TES: variants seen among roughly 807,000 people sequenced by gnomAD.
TES encodes testin.
TES carries 41 observed loss-of-function variants against 48.2 expected under a neutral mutation model. That is an observed-to-expected ratio of 0.85 (90% CI 0.66 to 1.10). The LOEUF (loss-of-function observed/expected upper bound fraction) is 1.10. Among genes scored for constraint, TES ranks in the 50% least tolerant of loss-of-function variants. The pLI, the probability that TES is intolerant of heterozygous loss-of-function variation, is 0.00. For missense variants in TES, 463 were observed against 515.1 expected, an observed-to-expected ratio of 0.90 and a Z score of 0.98; for synonymous variants, 162 against 174.9, an observed-to-expected ratio of 0.93 and a Z score of 0.58.
intron 6 of TES, among the ~76,000 whole-genome samples, chr7:116,256,529 A>G (rs1286739064): frequency 6.6e-6 from 1 of 152,244 alleles, no homozygotes; most frequent in Non-Finnish European, 1.5e-5. Context: ...GTTTTCTGCT[A>G]TAACATAGGT....
chr7:116,243,399 T>G (rs57321537), intron 2 of TES, among the ~76,000 whole-genome samples: 50,733 of 152,008 alleles, frequency 0.33, 8,913 homozygotes, highest in East Asian at 0.57. Flanking sequence ...TTTTCCAGCT[T>G]CTTTTCCTCT....
chr7:116,228,231 A>G (rs1799650121), intron 1 of TES, among the ~76,000 whole-genome samples: 1 of 152,156 alleles, frequency 6.6e-6, no homozygotes. Context: ...CCTGCAGTTA[A>G]AGATACTTAA....
Position 116,258,513 on chromosome 7 carries a change from A to G in TES, c.*1031A>G, listed in dbSNP as rs1800139543. The G allele has an allele frequency of 6.6e-6, 1 of 152,602 alleles. No individual in the cohort carries two copies. The highest frequency in any genetic ancestry group is 2.1e-4 in the South Asian group (1 of 4,830). 9.5% of individuals were successfully genotyped at this position (152,602 alleles called of 1,614,324 possible). On this transcript the variant is annotated 3_prime_UTR_variant, in exon 7 of 7. Coordinates refer to ENST00000358204, the MANE Select transcript of TES (RefSeq NM_015641.4). ...GAACATGTATAGTTTTTGTACCCAG[A>G]GACTATGATTTATATTGATTGCACT...
chr7:116,217,888 C>T, intron 1 of TES: 1 of 514,124 alleles, frequency 1.9e-6, no homozygotes, highest in South Asian at 1.4e-5. Context: ...ACCTAACATT[C>T]TAGTTAGATA....
In TES at chr7:116,234,602, C is replaced by T. The variant is rs755105850; in HGVS notation, c.96C>T (p.Phe32=). The T allele has an allele frequency of 5.8e-5, 94 of 1,613,624 alleles. No homozygotes were observed. Among genetic ancestry groups the T allele is most frequent in the Non-Finnish European group, 7.0e-5 (82 of 1,179,786 alleles). Residue 32 remains phenylalanine (F), a synonymous_variant, in exon 2 of 7, where the codon TTC becomes TTT. Coordinates refer to ENST00000358204, the MANE Select transcript of TES (RefSeq NM_015641.4). ...AATGCAAAGAAAAATGTGAAGGATT[C>T]GAACTGCACTTCTGGAGGTATTGTT... ...CLKCKEKCEG[F]ELHFWRKICR... is the part of the protein sequence containing the mutation.
chr7:116,246,225 A>C (rs1481435153), intron 2 of TES, among the ~76,000 whole-genome samples: 1 of 152,214 alleles, frequency 6.6e-6, no homozygotes, highest in African/African-American at 2.4e-5. Flanking sequence ...AAGCCATAGC[A>C]TATTTTACCT....
In TES at chr7:116,213,565, C is replaced by T. The variant is rs117622745; in HGVS notation, c.27+2831C>T. Among the ~76,000 whole-genome samples the T allele has an allele frequency of 9.8e-3, 1,491 of 152,252 alleles. 21 individuals are homozygous for T. The highest frequency in any genetic ancestry group is 0.034 in the African/African-American group (1,395 of 41,538). On this transcript the variant is annotated intron_variant, in intron 1 of 6. Transcript: ENST00000358204. ...ATTCTTGGTTTGTAAAAGGAAAGCT[C>T]GTCCACATCAGTTGTACAAATTGGG...
intron 2 of TES, among the ~76,000 whole-genome samples, chr7:116,241,334 A>G (rs1799845649): frequency 6.6e-6 from 1 of 152,254 alleles, no homozygotes; most frequent in African/African-American, 2.4e-5. Flanking sequence ...AAGTGGTAAT[A>G]GCACAGATTT....
chr7:116,252,413 G>A lies in TES; in HGVS notation c.1014G>A (p.Glu338=), dbSNP rs758104412. ...ACTGTGATAGCATTCTAGCTGGGGA[G>A]ATATACGTGATGGTCAATGACAAGC... ...CFDCDSILAG[E]IYVMVNDKPV... Residue 338 remains glutamate (E), a synonymous_variant, in exon 6 of 7, where the codon GAG becomes GAA. Coordinates refer to ENST00000358204, the MANE Select transcript of TES (RefSeq NM_015641.4). 6.2e-7 allele frequency: 1 copy of A among 1,614,104 alleles called. No homozygotes were observed. Among genetic ancestry groups the A allele is most frequent in the African/African-American group, 1.3e-5 (1 of 74,940 alleles).
intron 5 of TES, 111 bp downstream of exon 5, chr7:116,252,086 C>A: frequency 1.7e-6 from 2 of 1,173,396 alleles, no homozygotes; most frequent in Non-Finnish European, 2.4e-6. Context: ...TGTTTACATC[C>A]AAAGAAGTTT....
chr7:116,257,197 G>T, intron 6 of TES, 97 bp from the exon 7 acceptor site: 1 of 1,335,312 alleles, frequency 7.5e-7, no homozygotes. Flanking sequence ...GTCATTATGA[G>T]TTTTAATTTA....
chr7:116,220,801 C>T (rs1799546773), intron 1 of TES, among the ~76,000 whole-genome samples: 1 of 152,136 alleles, frequency 6.6e-6, no homozygotes, highest in Non-Finnish European at 1.5e-5. Flanking sequence ...GCCCTGTAAA[C>T]CTTAGTATCC....
At chr7:116,232,556 A>AAC (rs3840632) in intron 1 of TES, among the ~76,000 whole-genome samples, 50,723 of 151,964 alleles carry the variant, frequency 0.33, 8,902 homozygotes, top group East Asian at 0.57. Context: ...TGAAAAAGAA[A>AAC]ACTTTTTTGG....
chr7:116,240,454 TC>T (rs1799830734), intron 2 of TES, among the ~76,000 whole-genome samples: 1 of 151,828 alleles, frequency 6.6e-6, no homozygotes, highest in Non-Finnish European at 1.5e-5. Context: ...GCTCGCTCTT[TC>T]TCTCTCTCTC....
At chr7:116,214,640 C>G (rs1799474012) in intron 1 of TES, among the ~76,000 whole-genome samples, 1 of 152,056 alleles carries the variant, frequency 6.6e-6, no homozygotes. Flanking sequence ...TCTTAATTGT[C>G]CTGAATATTG....
At chr7:116,241,371 G>T (rs762181510) in intron 2 of TES, among the ~76,000 whole-genome samples, 6 of 152,182 alleles carry the variant, frequency 3.9e-5, no homozygotes, top group Middle Eastern at 6.3e-3. Flanking sequence ...CTGGCACCTG[G>T]TGCTGATTTT....
At chr7:116,256,202 G>A (rs1202188774) in intron 6 of TES, among the ~76,000 whole-genome samples, 1 of 152,056 alleles carries the variant, frequency 6.6e-6, no homozygotes, top group Non-Finnish European at 1.5e-5. Context: ...ATATAACCAG[G>A]CCTCACTTCA....
intron 1 of TES, 98 bp downstream of exon 1, chr7:116,210,832 C>T (rs1210530085): frequency 3.4e-5 from 37 of 1,101,776 alleles, no homozygotes; most frequent in Non-Finnish European, 4.2e-5. Context: ...GCTCGCGGGC[C>T]CCCCGGTGTG....
intron 1 of TES, among the ~76,000 whole-genome samples, chr7:116,228,350 A>G (rs1045963306): frequency 6.6e-6 from 1 of 152,150 alleles, no homozygotes; most frequent in East Asian, 1.9e-4. Context: ...ATTTCTCCCA[A>G]TATAGTCAAT....
Sources: allele counts gnomAD v4.1 joint callset (sites outside exome capture counted in the v4.1 genomes callset), GRCh38; gene constraint gnomAD v4.1.1; transcripts MANE v1.5; gene names NCBI Gene and HGNC (gene_info 2026-07-23, HGNC 2026-07-21).